The following RANBP17 variants were observed in gnomAD, a reference collection of about 807,000 sequenced individuals.
The protein encoded by RANBP17 is RAN binding protein 17.
A neutral mutation model predicts 141.2 loss-of-function variants in RANBP17; 158 were observed. The ratio of observed to expected loss-of-function variants is 1.12; its 90% confidence interval spans 0.98 to 1.28. The LOEUF (loss-of-function observed/expected upper bound fraction) is 1.28. RANBP17 is among the 50% of genes most tolerant of loss of function. The pLI is 0.00. For missense variants in RANBP17, 1,438 were observed against 1,290.7 expected (o/e 1.11, Z -1.75); for synonymous variants, 430 against 450.0 (o/e 0.96, Z 0.56).
chr5:171,245,332 G>A (rs1765145952), intron 24 of RANBP17, among the ~76,000 whole-genome samples: 1 of 151,814 alleles, frequency 6.6e-6, no homozygotes, highest in South Asian at 2.1e-4. Flanking sequence ...TTATTTTTTG[G>A]AGACAGAGCT....
intron 14 of RANBP17, among the ~76,000 whole-genome samples, chr5:171,157,607 A>C (rs576721922): frequency 1.3e-5 from 2 of 152,232 alleles, no homozygotes; most frequent in Non-Finnish European, 2.9e-5. Flanking sequence ...TGTATTTACC[A>C]TATTGAATTG....
At chr5:170,974,614 G>C (rs2127539764) in intron 14 of RANBP17, among the ~76,000 whole-genome samples, 1 of 152,198 alleles carries the variant, frequency 6.6e-6, no homozygotes, top group South Asian at 2.1e-4. Flanking sequence ...TTTCTCTGGT[G>C]GCCCTGTCCT....
intron 14 of RANBP17, among the ~76,000 whole-genome samples, chr5:171,003,072 C>T (rs1779333703): frequency 6.6e-6 from 1 of 152,156 alleles, no homozygotes; most frequent in South Asian, 2.1e-4. Flanking sequence ...TTGAGGGCCT[C>T]TGAAAGTATT....
intron 14 of RANBP17, among the ~76,000 whole-genome samples, chr5:171,035,328 A>G (rs1781801080): frequency 6.6e-6 from 1 of 152,174 alleles, no homozygotes; most frequent in Non-Finnish European, 1.5e-5. Context: ...TAAGAAATTA[A>G]ACATGATACC....
At chr5:170,872,538 C>T (rs899967758) in intron 1 of RANBP17, among the ~76,000 whole-genome samples, 1 of 152,118 alleles carries the variant, frequency 6.6e-6, no homozygotes, top group African/African-American at 2.4e-5. Context: ...CAGAACTTCC[C>T]ATACTGTGTT....
intron 14 of RANBP17, among the ~76,000 whole-genome samples, chr5:171,036,030 C>T (rs528297827): frequency 3.3e-5 from 5 of 152,170 alleles, no homozygotes; most frequent in African/African-American, 1.2e-4. Context: ...GTAGCTGGGA[C>T]TGTAGGTGTG....
At chr5:171,174,723 C>G (rs1318611932) in intron 16 of RANBP17, among the ~76,000 whole-genome samples, 1 of 148,858 alleles carries the variant, frequency 6.7e-6, no homozygotes, top group Admixed American at 6.8e-5. Context: ...ACATAATCAT[C>G]AAACATGAGA....
chr5:171,106,344 G>A (rs980056507), intron 14 of RANBP17, among the ~76,000 whole-genome samples: 39 of 152,210 alleles, frequency 2.6e-4, no homozygotes, highest in African/African-American at 9.4e-4. Flanking sequence ...GTAGATGGAA[G>A]GTAGGAGGGG....
intron 24 of RANBP17, chr5:171,252,754 A>G (rs1482785508): frequency 1.5e-6 from 2 of 1,368,984 alleles, no homozygotes; most frequent in Non-Finnish European, 2.1e-6. Context: ...ACTTATTTGT[A>G]GACTTGCTTC....
chr5:170,939,898 G>C (rs760540451), intron 12 of RANBP17, among the ~76,000 whole-genome samples: 10 of 152,090 alleles, frequency 6.6e-5, no homozygotes, highest in Admixed American at 1.3e-4. Flanking sequence ...TAAAAGAGTA[G>C]AAACTGTATG....
chr5:170,978,868 A>G (rs562005726), intron 14 of RANBP17, among the ~76,000 whole-genome samples: 1 of 152,292 alleles, frequency 6.6e-6, no homozygotes, highest in East Asian at 1.9e-4. Context: ...TTTTTTACAA[A>G]AGATTCATGG....
chr5:170,892,372 G>A lies in RANBP17; in HGVS notation c.257-15G>A, dbSNP rs1769709588. The A allele has an allele frequency of 6.5e-7, 1 of 1,545,398 alleles. No individual in the cohort carries two copies. The highest frequency in any genetic ancestry group is 8.8e-7 in the Non-Finnish European group (1 of 1,139,228). On this transcript the variant is annotated splice_polypyrimidine_tract_variant and intron_variant, in intron 3 of 27. Transcript: ENST00000523189. ...CTGAAAAGTCCAGATGACCCATGGA[G>A]TGTTTTCTTTGTAGGAAACTACATT...
intron 14 of RANBP17, among the ~76,000 whole-genome samples, chr5:171,137,602 G>GTGTC (rs1174928674): frequency 2.1e-5 from 3 of 143,478 alleles, no homozygotes. Flanking sequence ...GTGTGTGTGT[G>GTGTC]TGTCTGTGTG....
chr5:171,265,641 T>A, intron 24 of RANBP17, 40 bp from the exon 25 acceptor site: 1 of 1,495,692 alleles, frequency 6.7e-7, no homozygotes, highest in Non-Finnish European at 9.0e-7. Context: ...GAGCAAAAAC[T>A]TAAGTAATGC....
intron 14 of RANBP17, among the ~76,000 whole-genome samples, chr5:171,092,098 GT>G (rs934481606): frequency 1.2e-4 from 18 of 152,028 alleles, no homozygotes; most frequent in Non-Finnish European, 2.4e-4. Context: ...ATCTTTAATG[GT>G]TCATTCTAGT....
intron 14 of RANBP17, among the ~76,000 whole-genome samples, chr5:171,121,188 G>A (rs1756005785): frequency 6.6e-6 from 1 of 152,242 alleles, no homozygotes; most frequent in Admixed American, 6.5e-5. Flanking sequence ...CTGACCAGGA[G>A]CATGTGTACG....
chr5:171,190,803 G>A (rs1561747982), intron 18 of RANBP17, among the ~76,000 whole-genome samples: 1 of 152,120 alleles, frequency 6.6e-6, no homozygotes, highest in Non-Finnish European at 1.5e-5. Context: ...CTATAACAAC[G>A]CTTTTCATTT....
intron 5 of RANBP17, among the ~76,000 whole-genome samples, chr5:170,908,754 A>G (rs1182145609): frequency 6.6e-6 from 1 of 151,752 alleles, no homozygotes; most frequent in Non-Finnish European, 1.5e-5. Flanking sequence ...GCCTTCTGTT[A>G]TGTTTCATGT....
intron 16 of RANBP17, among the ~76,000 whole-genome samples, chr5:171,179,557 A>G (rs747204286): frequency 6.6e-6 from 1 of 152,196 alleles, no homozygotes; most frequent in Admixed American, 6.5e-5. Flanking sequence ...AAAAGTGTCT[A>G]TGAACATGTA....
Sources: allele counts gnomAD v4.1 joint callset (sites outside exome capture counted in the v4.1 genomes callset), GRCh38; gene constraint gnomAD v4.1.1; transcripts MANE v1.5; gene names NCBI Gene and HGNC (gene_info 2026-07-23, HGNC 2026-07-21).